Variants in IFI16 observed in about 807,000 individuals in gnomAD.
The protein encoded by IFI16 is gamma-interferon-inducible protein 16.
Under a neutral mutation model 68.4 loss-of-function variants are expected in IFI16, and 49 were observed. That is an observed-to-expected ratio of 0.72 (90% CI 0.57 to 0.91). The LOEUF is 0.91. Among genes scored for constraint, IFI16 ranks in the 40% least tolerant of loss-of-function variants. The pLI, the probability that IFI16 is intolerant of heterozygous loss-of-function variation, is 0.00. For missense variants in IFI16, 878 were observed against 942.9 expected (o/e 0.93, Z 0.90); for synonymous variants, 307 against 315.0 (o/e 0.97, Z 0.27).
chr1:159,028,754 G>A (rs1653816497), intron 6 of IFI16, among the ~76,000 whole-genome samples: 1 of 108,200 alleles, frequency 9.2e-6, no homozygotes, highest in Non-Finnish European at 1.8e-5. Flanking sequence ...ATTATGTAAT[G>A]TCCCTTTTTG....
upstream of IFI16, among the ~76,000 whole-genome samples, chr1:159,005,280 A>G (rs1347375905): frequency 6.6e-6 from 1 of 152,206 alleles, no homozygotes; most frequent in South Asian, 2.1e-4. Context: ...AGACAGTGGG[A>G]AAGTATGCAT....
intron 5 of IFI16, among the ~76,000 whole-genome samples, chr1:159,019,870 C>A (rs993174838): frequency 6.6e-6 from 1 of 152,064 alleles, no homozygotes; most frequent in Admixed American, 6.5e-5. Context: ...GGAGGGGGTA[C>A]AAATATTGGA....
chr1:159,004,427 G>T (rs1411047320), upstream of IFI16, among the ~76,000 whole-genome samples: 2 of 152,126 alleles, frequency 1.3e-5, no homozygotes, highest in African/African-American at 2.4e-5. Context: ...AAAACCAGCC[G>T]GGCATCGTGA....
At chr1:159,028,976 C>T (rs1653833274) in intron 6 of IFI16, among the ~76,000 whole-genome samples, 1 of 152,012 alleles carries the variant, frequency 6.6e-6, no homozygotes, top group Non-Finnish European at 1.5e-5. Context: ...GCATTTTGGC[C>T]ATTTATATTC....
chr1:159,039,230 A>T (rs1451492308), intron 7 of IFI16, among the ~76,000 whole-genome samples: 1 of 152,202 alleles, frequency 6.6e-6, no homozygotes, highest in African/African-American at 2.4e-5. Flanking sequence ...AGGAGTTAGG[A>T]TATCTAAATT....
intron 7 of IFI16, among the ~76,000 whole-genome samples, chr1:159,036,558 A>T (rs1654340319): frequency 6.6e-6 from 1 of 152,230 alleles, no homozygotes; most frequent in South Asian, 2.1e-4. Flanking sequence ...CTGCTTCCAA[A>T]GTCAGAATAT....
intron 7 of IFI16, among the ~76,000 whole-genome samples, chr1:159,035,430 A>C (rs1654263187): frequency 6.6e-6 from 1 of 152,188 alleles, no homozygotes; most frequent in Non-Finnish European, 1.5e-5. Flanking sequence ...GAGAATTTCT[A>C]AGTCCCACCT....
At chr1:159,018,958 A>T (rs74122208) in intron 5 of IFI16, among the ~76,000 whole-genome samples, 3,077 of 152,314 alleles carry the variant, frequency 0.02, 118 homozygotes, top group African/African-American at 0.07. Context: ...TGTGAGGTCT[A>T]CATCCATACA....
At chr1:159,038,696 C>T (rs1654458742) in intron 7 of IFI16, among the ~76,000 whole-genome samples, 1 of 152,156 alleles carries the variant, frequency 6.6e-6, no homozygotes, top group Non-Finnish European at 1.5e-5. Flanking sequence ...TCATTAGTGA[C>T]ATTAGGGGAA....
intron 7 of IFI16, among the ~76,000 whole-genome samples, chr1:159,040,159 G>A (rs1312947860): frequency 6.6e-6 from 1 of 152,224 alleles, no homozygotes; most frequent in Non-Finnish European, 1.5e-5. Context: ...GGAACATGAT[G>A]TTGAATTGAA....
At chr1:159,035,747 T>C (rs918184346) in intron 7 of IFI16, among the ~76,000 whole-genome samples, 2 of 32,554 alleles carry the variant, frequency 6.1e-5, no homozygotes, top group Non-Finnish European at 1.2e-4. Flanking sequence ...AGGCTATTCT[T>C]ATCATTGATT....
chr1:159,022,205 C>T (rs894508672), intron 6 of IFI16, among the ~76,000 whole-genome samples: 2 of 152,078 alleles, frequency 1.3e-5, no homozygotes, highest in African/African-American at 4.8e-5. Flanking sequence ...ACCTCGTGAT[C>T]CGCCCGCCTC....
intron 6 of IFI16, among the ~76,000 whole-genome samples, chr1:159,021,249 C>T (rs965652134): frequency 6.6e-6 from 1 of 151,996 alleles, no homozygotes; most frequent in African/African-American, 2.4e-5. Context: ...CCCTCACCCC[C>T]CTCCCACTCT....
At position 159,053,558 on chromosome 1, in the gene IFI16, ATTAT is replaced by A. The variant is rs767475758; in HGVS notation, c.2112_2115del (p.Tyr704Ter). Reference sequence around the variant, plus strand: ...AAAAATGTAAGGGGTGAATTCACTTATTATGAAATACAAGATAATACAGGGAAGA... The same window carrying A: ...AAAAATGTAAGGGGTGAATTCACTTAGAAATACAAGATAATACAGGGAAGA... On this transcript the variant is annotated frameshift_variant, in exon 11 of 12. Coordinates refer to ENST00000295809, the MANE Select transcript of IFI16 (RefSeq NM_001376587.1). LOFTEE classifies it high-confidence loss of function. 2 of 1,609,778 alleles carry A rather than the reference ATTAT, an allele frequency of 1.2e-6. No homozygotes were observed. Among genetic ancestry groups the A allele is most frequent in the Non-Finnish European group, 1.7e-6 (2 of 1,177,176 alleles).
intron 7 of IFI16, among the ~76,000 whole-genome samples, chr1:159,040,995 G>A (rs766311066): frequency 1.3e-5 from 2 of 152,180 alleles, no homozygotes; most frequent in Non-Finnish European, 2.9e-5. Flanking sequence ...TTAATAGCCT[G>A]AACTCTGCAG....
At chr1:159,024,550 C>T (rs996836174) in intron 6 of IFI16, among the ~76,000 whole-genome samples, 2 of 152,114 alleles carry the variant, frequency 1.3e-5, no homozygotes, top group African/African-American at 2.4e-5. Context: ...GGATGTAGTC[C>T]CATTTACTAC....
At chr1:159,050,221 C>T (rs774009020) in intron 9 of IFI16, among the ~76,000 whole-genome samples, 3 of 152,090 alleles carry the variant, frequency 2.0e-5, no homozygotes, top group Non-Finnish European at 4.4e-5. Flanking sequence ...TTTTATTGTA[C>T]TAGAAAAATT....
At chr1:159,034,182 G>A (rs1057083655) in intron 7 of IFI16, among the ~76,000 whole-genome samples, 5 of 152,158 alleles carry the variant, frequency 3.3e-5, no homozygotes, top group Admixed American at 6.5e-5. Flanking sequence ...GCAAAGTGAT[G>A]ATCAAAACAT....
chr1:159,053,900 A>G (rs771416881), intron 11 of IFI16, among the ~76,000 whole-genome samples, 176 bp downstream of exon 11: 3 of 152,200 alleles, frequency 2.0e-5, no homozygotes, highest in Non-Finnish European at 4.4e-5. Context: ...ACTTGTAATC[A>G]TAATAAAAAA....
Sources: allele counts gnomAD v4.1 joint callset (sites outside exome capture counted in the v4.1 genomes callset), GRCh38; gene constraint gnomAD v4.1.1; transcripts MANE v1.5; gene names NCBI Gene and HGNC (gene_info 2026-07-23, HGNC 2026-07-21).